RAPGEF5: variants seen among roughly 807,000 people sequenced by gnomAD.
RAPGEF5 encodes the protein M-Ras-regulated GEF.
RAPGEF5 carries 65 observed loss-of-function variants against 125.2 expected under a neutral mutation model. The observed-to-expected ratio is 0.52, with a 90% CI of 0.43 to 0.64. The LOEUF is 0.64. Ranked by LOEUF, RAPGEF5 falls within the 30% of genes least tolerant of loss-of-function variation. The pLI, the probability that RAPGEF5 is intolerant of heterozygous loss-of-function variation, is 0.00. For missense variants in RAPGEF5, 958 were observed against 1,048.1 expected (o/e 0.91, Z 1.19); for synonymous variants, 391 against 385.9 (o/e 1.01, Z -0.16).
intron 6 of RAPGEF5, among the ~76,000 whole-genome samples, chr7:22,290,968 G>C (rs1248083474): frequency 1.3e-5 from 2 of 152,056 alleles, no homozygotes. Flanking sequence ...CTTTCCACCA[G>C]AAATATCTAT....
At chr7:22,188,240 C>T (rs1024597795) in intron 11 of RAPGEF5, among the ~76,000 whole-genome samples, 1 of 152,158 alleles carries the variant, frequency 6.6e-6, no homozygotes, top group Non-Finnish European at 1.5e-5. Context: ...CACCCAGGAT[C>T]ATTCCAGGAA....
intron 2 of RAPGEF5, among the ~76,000 whole-genome samples, chr7:22,316,394 A>T (rs999368221): frequency 7.0e-6 from 1 of 143,214 alleles, no homozygotes; most frequent in South Asian, 2.4e-4. Flanking sequence ...TTAAATGTGT[A>T]TCTACTATAT....
intron 11 of RAPGEF5, among the ~76,000 whole-genome samples, chr7:22,174,960 T>C (rs560758412): frequency 7.2e-4 from 109 of 152,252 alleles, no homozygotes; most frequent in African/African-American, 2.6e-3. Context: ...CTAAAGAGGA[T>C]GGCTATGGCC....
chr7:22,316,974 T>C (rs1783613999), intron 2 of RAPGEF5, among the ~76,000 whole-genome samples: 1 of 149,426 alleles, frequency 6.7e-6, no homozygotes, highest in South Asian at 2.1e-4. Context: ...GTTAAAACTA[T>C]TTAAAAAAAA....
intron 3 of RAPGEF5, among the ~76,000 whole-genome samples, chr7:22,312,381 A>G (rs976071191): frequency 1.3e-5 from 2 of 152,010 alleles, no homozygotes; most frequent in Non-Finnish European, 2.9e-5. Flanking sequence ...GCTAATTCTT[A>G]TATTTTTAGT....
chr7:22,305,640 T>C (rs552524096), intron 5 of RAPGEF5, among the ~76,000 whole-genome samples: 1 of 151,928 alleles, frequency 6.6e-6, no homozygotes, highest in Non-Finnish European at 1.5e-5. Flanking sequence ...TATCAAAGAG[T>C]GGGCCTTATT....
chr7:22,185,068 T>C (rs537847821), intron 11 of RAPGEF5, among the ~76,000 whole-genome samples: 11 of 152,216 alleles, frequency 7.2e-5, no homozygotes, highest in Non-Finnish European at 1.5e-4. Context: ...AAGCACCTGA[T>C]TTGGGGCTTA....
rs151298018 is a variant in RAPGEF5, at chr7:22,279,373, T to C, written c.747+11802A>G. Among the ~76,000 whole-genome samples the C allele has an allele frequency of 1.4e-4, 21 of 152,330 alleles. No homozygotes were observed. The East Asian group carries it at 4.1e-3, about 29-fold the overall frequency. The stretch of plus-strand genomic sequence containing the variant: ...TTAAATTAAAATGGTGCTTTAATTT[T>C]TCATGATTGGCATAGGATCTATTAA... On this transcript the variant is annotated intron_variant, in intron 6 of 25. Transcript: ENST00000665637.
chr7:22,346,545 T>C (rs1449206399), intron 1 of RAPGEF5, among the ~76,000 whole-genome samples: 2 of 152,126 alleles, frequency 1.3e-5, no homozygotes, highest in Admixed American at 1.3e-4. Context: ...TAATGAGAGA[T>C]AAAATAAATT....
intron 6 of RAPGEF5, among the ~76,000 whole-genome samples, chr7:22,289,235 C>A (rs1414500029): frequency 3.9e-5 from 6 of 152,154 alleles, no homozygotes; most frequent in Non-Finnish European, 8.8e-5. Flanking sequence ...CTATAGGAAC[C>A]AAATCATACA....
At chr7:22,317,450 C>T (rs1783626620) in intron 2 of RAPGEF5, among the ~76,000 whole-genome samples, 1 of 151,894 alleles carries the variant, frequency 6.6e-6, no homozygotes, top group Non-Finnish European at 1.5e-5. Context: ...CCGTGTTGGC[C>T]AGGATGGTCT....
chr7:22,256,981 G>C (rs1370383969), intron 7 of RAPGEF5, among the ~76,000 whole-genome samples: 9 of 152,138 alleles, frequency 5.9e-5, no homozygotes. Flanking sequence ...TTTTTACTAA[G>C]CTTACAGCCT....
At chr7:22,167,865 T>C (rs1471260570) in intron 11 of RAPGEF5, among the ~76,000 whole-genome samples, 2 of 152,216 alleles carry the variant, frequency 1.3e-5, no homozygotes, top group African/African-American at 4.8e-5. Flanking sequence ...TCAGTTTGTA[T>C]ACAATATGGA....
intron 12 of RAPGEF5, among the ~76,000 whole-genome samples, chr7:22,165,824 CT>C (rs552160560): frequency 1.1e-3 from 166 of 151,774 alleles, no homozygotes; most frequent in African/African-American, 3.9e-3. Context: ...ATCATTAGGT[CT>C]TTTGTTTTTG....
At chr7:22,219,503 T>A (rs1451549729) in intron 9 of RAPGEF5, among the ~76,000 whole-genome samples, 1 of 151,080 alleles carries the variant, frequency 6.6e-6, no homozygotes, top group Non-Finnish European at 1.5e-5. Context: ...AAAAATATGT[T>A]GAAATGTTTT....
chr7:22,118,518 GAAAGA>G lies in RAPGEF5; in HGVS notation c.*3883_*3887del, dbSNP rs1392408344. ...CAGAGGCAGAAAGCATGGAATATGG[GAAAGA>G]AAACACTGTTAATGGCAATTCTGGT... is the stretch of plus-strand genomic sequence containing the variant. On this transcript the variant is annotated 3_prime_UTR_variant, in exon 26 of 26. Transcript: ENST00000665637. The G allele has an allele frequency of 6.6e-6, 1 of 152,526 alleles. No homozygotes were observed. The highest frequency in any genetic ancestry group is 1.5e-5 in the Non-Finnish European group (1 of 68,024). 9.4% of individuals were successfully genotyped at this position (152,526 alleles called of 1,614,324 possible). A position where few individuals can be genotyped will look rare whatever the true frequency, so the allele number is the denominator to read the frequency against.
At chr7:22,126,645 G>C (rs574048639) in intron 24 of RAPGEF5, among the ~76,000 whole-genome samples, 1 of 152,160 alleles carries the variant, frequency 6.6e-6, no homozygotes, top group Non-Finnish European at 1.5e-5. Flanking sequence ...ACGGAGTCTT[G>C]CTCTGTCACC....
intron 21 of RAPGEF5, among the ~76,000 whole-genome samples, chr7:22,137,281 C>T (rs1258048931): frequency 6.6e-6 from 1 of 152,188 alleles, no homozygotes; most frequent in Admixed American, 6.5e-5. Context: ...GATTTCAGTT[C>T]CATACCCTAC....
Position 22,317,975 on chromosome 7 carries a change from A to C in RAPGEF5, c.282+12T>G. ...ATTTCAGAAAAGGCAGTAAAAGAGAAAGGAATCATACCTGGGAAGGCGTAT... is the reference window on the plus strand; with the variant it reads ...ATTTCAGAAAAGGCAGTAAAAGAGACAGGAATCATACCTGGGAAGGCGTAT... On this transcript the variant is annotated intron_variant, in intron 2 of 25. Transcript: ENST00000665637. 6.5e-7 allele frequency: 1 copy of C among 1,548,652 alleles called. No individual in the cohort carries two copies. Among genetic ancestry groups the C allele is most frequent in the Non-Finnish European group, 8.7e-7 (1 of 1,146,536 alleles).
Sources: gnomAD v4.1 joint callset for allele counts (sites outside exome capture counted in the v4.1 genomes callset) on GRCh38, gnomAD v4.1.1 for gene constraint, MANE v1.5 for transcripts, NCBI Gene and HGNC (gene_info 2026-07-23, HGNC 2026-07-21) for gene names.